The following NDUFS4 variants were observed in gnomAD, a reference collection of about 807,000 sequenced individuals.
NDUFS4 encodes NADH dehydrogenase [ubiquinone] iron-sulfur protein 4, mitochondrial.
Under a neutral mutation model 24.3 loss-of-function variants are expected in NDUFS4, and 28 were observed. The observed-to-expected ratio is 1.15, with a 90% CI of 0.85 to 1.58. NDUFS4 has a LOEUF of 1.58. Among genes scored for constraint, NDUFS4 ranks in the 40% most tolerant of loss-of-function variants. NDUFS4 has a pLI of 0.00. For missense variants in NDUFS4, 223 were observed against 207.9 expected, an observed-to-expected ratio of 1.07 and a Z score of -0.45; for synonymous variants, 93 against 69.7, an observed-to-expected ratio of 1.34 and a Z score of -1.67.
At chr5:53,621,862 C>T (rs556273371) in intron 2 of NDUFS4, among the ~76,000 whole-genome samples, 34 of 151,770 alleles carry the variant, frequency 2.2e-4, no homozygotes, top group Non-Finnish European at 4.1e-4. Context: ...CCACCATGCC[C>T]GGCTAATTTT....
intron 2 of NDUFS4, among the ~76,000 whole-genome samples, chr5:53,620,840 G>A (rs1751012172): frequency 6.6e-6 from 1 of 152,046 alleles, no homozygotes; most frequent in African/African-American, 2.4e-5. Flanking sequence ...CAGATTTCTT[G>A]AGACTTTTTT....
At chr5:53,608,592 C>G (rs1408528937) in intron 2 of NDUFS4, among the ~76,000 whole-genome samples, 1 of 148,198 alleles carries the variant, frequency 6.7e-6, no homozygotes, top group African/African-American at 2.6e-5. Context: ...GATTCTGTCT[C>G]AAGAAACGAC....
At chr5:53,586,652 A>G (rs1028540101) in intron 1 of NDUFS4, among the ~76,000 whole-genome samples, 1 of 152,060 alleles carries the variant, frequency 6.6e-6, no homozygotes, top group Admixed American at 6.6e-5. Context: ...CCTCTTGAGT[A>G]GCTGGGACTA....
At chr5:53,573,584 TTTTC>T (rs1326306644) in intron 1 of NDUFS4, 1 of 451,748 alleles carries the variant, frequency 2.2e-6, no homozygotes, top group African/African-American at 2.0e-5. Flanking sequence ...TAAAATTTTC[TTTTC>T]TTTATTTTTT....
intron 2 of NDUFS4, among the ~76,000 whole-genome samples, chr5:53,643,383 G>A (rs1751756960): frequency 6.6e-6 from 1 of 152,068 alleles, no homozygotes; most frequent in Admixed American, 6.6e-5. Flanking sequence ...AATACAATTA[G>A]TTCAATATAA....
At chr5:53,651,452 C>A (rs1428510979) in intron 3 of NDUFS4, among the ~76,000 whole-genome samples, 1 of 151,662 alleles carries the variant, frequency 6.6e-6, no homozygotes, top group East Asian at 1.9e-4. Context: ...AATGAGTTGA[C>A]CATAGTTTGG....
intron 1 of NDUFS4, among the ~76,000 whole-genome samples, chr5:53,588,307 A>G (rs1381738027): frequency 6.6e-6 from 1 of 152,130 alleles, no homozygotes; most frequent in Non-Finnish European, 1.5e-5. Context: ...TTGCCTTCCT[A>G]TGAATTGGTC....
At chr5:53,650,198 A>T (rs193141812) in intron 3 of NDUFS4, among the ~76,000 whole-genome samples, 69 of 152,314 alleles carry the variant, frequency 4.5e-4, no homozygotes, top group South Asian at 1.7e-3. Flanking sequence ...TGATTATTTG[A>T]GTACTTGTGC....
At chr5:53,600,240 C>G (rs939953046) in intron 1 of NDUFS4, among the ~76,000 whole-genome samples, 1 of 151,918 alleles carries the variant, frequency 6.6e-6, no homozygotes, top group Non-Finnish European at 1.5e-5. Flanking sequence ...CTTAGGTGAT[C>G]CGCCATCCTC....
At chr5:53,580,777 CTCTCTTTCTT>C (rs1561340057) in intron 1 of NDUFS4, among the ~76,000 whole-genome samples, 5 of 141,388 alleles carry the variant, frequency 3.5e-5, no homozygotes, top group African/African-American at 7.9e-5. Context: ...TTCTTTCTCT[CTCTCTTTCTT>C]TCTCTTTCTC....
chr5:53,583,167 G>T (rs1334758086), intron 1 of NDUFS4, among the ~76,000 whole-genome samples: 2 of 152,104 alleles, frequency 1.3e-5, no homozygotes, highest in African/African-American at 4.8e-5. Flanking sequence ...GTGAGCCACT[G>T]CACCCGGCCT....
At chr5:53,600,848 C>G (rs945693203) in intron 1 of NDUFS4, among the ~76,000 whole-genome samples, 3 of 152,046 alleles carry the variant, frequency 2.0e-5, no homozygotes, top group African/African-American at 7.2e-5. Context: ...TAAAATCACT[C>G]TTTGCAATCT....
In NDUFS4 at chr5:53,584,875, C is replaced by T. The variant is rs1461989767; in HGVS notation, c.99-18577C>T. Among the ~76,000 whole-genome samples, 3 of 152,112 alleles carry T rather than the reference C, an allele frequency of 2.0e-5. No homozygotes were observed. In the East Asian group the frequency reaches 5.8e-4, roughly 29 times the overall value. On this transcript the variant is annotated intron_variant, in intron 1 of 4. Coordinates refer to ENST00000296684, the MANE Select transcript of NDUFS4 (RefSeq NM_002495.4). ...CTCTGCCTCCTGGGTTCAAGTGATT[C>T]CTGTGCCTCAGCCTCCCAAGTAGCT... is the stretch of plus-strand genomic sequence containing the variant.
intron 2 of NDUFS4, among the ~76,000 whole-genome samples, chr5:53,625,953 G>A (rs971056720): frequency 1.3e-5 from 2 of 152,016 alleles, no homozygotes; most frequent in Non-Finnish European, 2.9e-5. Context: ...CTGTTACATA[G>A]GTATACATGT....
intron 3 of NDUFS4, among the ~76,000 whole-genome samples, chr5:53,651,928 C>T (rs184703258): frequency 2.4e-4 from 37 of 152,084 alleles, no homozygotes; most frequent in Non-Finnish European, 1.0e-4. Context: ...ACCTGCACCA[C>T]GCCCGGCTAA....
chr5:53,683,147 G>C lies in NDUFS4; in HGVS notation c.454G>C (p.Val152Leu). 1 of 1,611,018 alleles carries C rather than the reference G, an allele frequency of 6.2e-7. No individual in the cohort carries two copies. Among genetic ancestry groups the C allele is most frequent in the African/African-American group, 1.3e-5 (1 of 74,864 alleles). Residue 152 changes from valine to leucine, a missense_variant, in exon 5 of 5, where the codon GTT becomes CTT. Val to Leu is a conservative substitution (Grantham distance 32, BLOSUM62 1). Coordinates refer to ENST00000296684, the MANE Select transcript of NDUFS4 (RefSeq NM_002495.4). Reference protein sequence around the residue: ...GWSYDIEERKVPKPKSKSYGA... With the variant: ...GWSYDIEERKLPKPKSKSYGA... The stretch of plus-strand genomic sequence containing the variant: ...GAGCTATGACATTGAAGAGAGGAAG[G>C]TTCCAAAACCCAAGTCCAAGTCTTA...
intron 3 of NDUFS4, among the ~76,000 whole-genome samples, chr5:53,653,236 T>C (rs1561387966): frequency 6.6e-6 from 1 of 152,168 alleles, no homozygotes; most frequent in African/African-American, 2.4e-5. Flanking sequence ...ATTGTGGACA[T>C]AGAAGGTCAA....
intron 4 of NDUFS4, among the ~76,000 whole-genome samples, chr5:53,668,005 C>G (rs559596878): frequency 1.3e-5 from 2 of 152,240 alleles, no homozygotes; most frequent in East Asian, 1.9e-4. Flanking sequence ...ACAGCTGATT[C>G]TGTGTTAATA....
intron 2 of NDUFS4, among the ~76,000 whole-genome samples, chr5:53,622,830 G>A (rs1402609444): frequency 6.6e-6 from 1 of 151,996 alleles, no homozygotes; most frequent in Non-Finnish European, 1.5e-5. Flanking sequence ...CACTATTTCC[G>A]GAGCTTTTTC....
Sources: allele counts gnomAD v4.1 joint callset (sites outside exome capture counted in the v4.1 genomes callset), GRCh38; gene constraint gnomAD v4.1.1; transcripts MANE v1.5; gene names NCBI Gene and HGNC (gene_info 2026-07-23, HGNC 2026-07-21).